SRGAP1: variants seen among roughly 807,000 people sequenced by gnomAD.
SRGAP1 encodes SLIT-ROBO Rho GTPase-activating protein 1.
In SRGAP1, 43 loss-of-function variants were observed where a neutral mutation model predicts 121.9. That is an observed-to-expected ratio of 0.35 (90% CI 0.28 to 0.46). The LOEUF (loss-of-function observed/expected upper bound fraction) is 0.46. Ranked by LOEUF, SRGAP1 falls within the 20% of genes least tolerant of loss-of-function variation. The pLI is 1.00. For missense variants in SRGAP1, 1,102 were observed against 1,350.9 expected (o/e 0.82, Z 2.89); for synonymous variants, 447 against 485.4 (o/e 0.92, Z 1.04).
intron 1 of SRGAP1, among the ~76,000 whole-genome samples, chr12:63,963,934 G>A (rs571893683): frequency 1.3e-5 from 2 of 152,284 alleles, no homozygotes; most frequent in South Asian, 4.1e-4. Context: ...AAATCAACAG[G>A]TTGTCAGAGT....
chr12:63,971,942 T>C (rs755939932), intron 1 of SRGAP1, among the ~76,000 whole-genome samples: 1 of 152,228 alleles, frequency 6.6e-6, no homozygotes, highest in Non-Finnish European at 1.5e-5. Flanking sequence ...GGCTTCCTTT[T>C]TTCAGCTCCT....
chr12:64,126,967 G>C (rs1157110358), intron 19 of SRGAP1, among the ~76,000 whole-genome samples: 1 of 152,086 alleles, frequency 6.6e-6, no homozygotes, highest in Admixed American at 6.5e-5. Flanking sequence ...TATTTTTACT[G>C]TACCTTTTCT....
At chr12:64,057,361 G>T (rs1324282388) in intron 6 of SRGAP1, among the ~76,000 whole-genome samples, 1 of 152,254 alleles carries the variant, frequency 6.6e-6, no homozygotes, top group Non-Finnish European at 1.5e-5. Flanking sequence ...GTGTGTAAAA[G>T]TTGCCTGTAG....
intron 8 of SRGAP1, among the ~76,000 whole-genome samples, chr12:64,076,429 A>G (rs1455114288): frequency 6.6e-6 from 1 of 152,226 alleles, no homozygotes; most frequent in African/African-American, 2.4e-5. Flanking sequence ...AATGAGCTAC[A>G]TAGGAATTCT....
intron 2 of SRGAP1, among the ~76,000 whole-genome samples, chr12:63,984,909 G>A (rs978223488): frequency 9.2e-5 from 14 of 152,052 alleles, no homozygotes; most frequent in African/African-American, 3.1e-4. Context: ...CCAGCCACTC[G>A]GGAGGCTGAG....
At position 63,951,152 on chromosome 12, in the gene SRGAP1, C is replaced by CTTTTTTTTTTTTTTT. The variant is rs58637983; in HGVS notation, c.68-32780_68-32766dup. ...GGGCTGGTCCATGCCATTTAGAACT[C>CTTTTTTTTTTTTTTT]TTTTTTTTTTTTTTTTTTTTTTTTT... On this transcript the variant is annotated intron_variant, in intron 1 of 21. Transcript: ENST00000355086. 8.1e-4 allele frequency among the ~76,000 whole-genome samples: 36 copies of CTTTTTTTTTTTTTTT among 44,186 alleles called. 9 individuals carry two copies. Among genetic ancestry groups the CTTTTTTTTTTTTTTT allele is most frequent in the African/African-American group, 2.9e-3 (35 of 11,922 alleles). The allele number at this position is 44,186 out of a possible 152,430, so 29.0% of individuals were successfully genotyped here. A position where few individuals can be genotyped will look rare whatever the true frequency, so the allele number is the denominator to read the frequency against.
At chr12:63,864,107 G>A (rs763266094) in intron 1 of SRGAP1, among the ~76,000 whole-genome samples, 3 of 152,098 alleles carry the variant, frequency 2.0e-5, no homozygotes, top group Non-Finnish European at 2.9e-5. Context: ...GCAGCTTTAG[G>A]TTAAACTTAA....
At chr12:64,032,004 T>C (rs1212658962) in intron 4 of SRGAP1, among the ~76,000 whole-genome samples, 1 of 152,178 alleles carries the variant, frequency 6.6e-6, no homozygotes, top group Non-Finnish European at 1.5e-5. Context: ...GTAAATTTAC[T>C]AGGGGCAAAA....
intron 1 of SRGAP1, among the ~76,000 whole-genome samples, chr12:63,962,350 G>A (rs911204988): frequency 6.6e-6 from 1 of 152,178 alleles, no homozygotes; most frequent in African/African-American, 2.4e-5. Flanking sequence ...CTTAAACAGT[G>A]CAGAATTACC....
At chr12:64,067,933 A>AG (rs1487358004) in intron 8 of SRGAP1, among the ~76,000 whole-genome samples, 3 of 151,978 alleles carry the variant, frequency 2.0e-5, no homozygotes, top group African/African-American at 7.2e-5. Context: ...AAAAAAAAAA[A>AG]GTTGAGAGAG....
At chr12:63,978,167 C>T (rs1273371407) in intron 1 of SRGAP1, among the ~76,000 whole-genome samples, 4 of 152,196 alleles carry the variant, frequency 2.6e-5, no homozygotes, top group Non-Finnish European at 4.4e-5. Flanking sequence ...CAACAACCAA[C>T]ATTTCATGGA....
intron 3 of SRGAP1, among the ~76,000 whole-genome samples, 183 bp downstream of exon 3, chr12:63,990,255 C>T (rs940234311): frequency 4.6e-5 from 7 of 152,096 alleles, no homozygotes; most frequent in South Asian, 2.1e-4. Context: ...AAAATTAGGC[C>T]GGGCGTGGTA....
chr12:63,852,120 G>T (rs1352335185), intron 1 of SRGAP1, among the ~76,000 whole-genome samples: 18 of 152,080 alleles, frequency 1.2e-4, no homozygotes, highest in Non-Finnish European at 5.9e-5. Context: ...AGCCTCCTGT[G>T]TAGCTGGGAC....
At chr12:64,017,849 G>A (rs944692307) in intron 4 of SRGAP1, among the ~76,000 whole-genome samples, 1 of 151,678 alleles carries the variant, frequency 6.6e-6, no homozygotes, top group African/African-American at 2.4e-5. Flanking sequence ...GGTACTTCAT[G>A]TAATCGTTAA....
chr12:64,014,046 A>G (rs1327933790), intron 3 of SRGAP1, among the ~76,000 whole-genome samples: 1 of 152,236 alleles, frequency 6.6e-6, no homozygotes, highest in East Asian at 1.9e-4. Context: ...AATGATAATT[A>G]TGGTGTATTC....
intron 1 of SRGAP1, among the ~76,000 whole-genome samples, chr12:63,959,546 C>T (rs560309604): frequency 2.6e-5 from 4 of 152,210 alleles, no homozygotes; most frequent in South Asian, 2.1e-4. Context: ...TTGCTGATAA[C>T]GTTTCTTTCC....
intron 21 of SRGAP1, among the ~76,000 whole-genome samples, chr12:64,129,684 G>A (rs559396410): frequency 3.3e-5 from 5 of 152,048 alleles, no homozygotes; most frequent in African/African-American, 4.8e-5. Context: ...TCCTATAACC[G>A]GAAACACACC....
Position 64,142,976 on chromosome 12 carries a change from G to A in SRGAP1, c.*304G>A. 1 of 317,370 alleles carries A rather than the reference G, an allele frequency of 3.2e-6. No homozygotes were observed. The highest frequency in any genetic ancestry group is 5.9e-6 in the Non-Finnish European group (1 of 169,508). 19.7% of individuals were successfully genotyped at this position (317,370 alleles called of 1,614,324 possible). On this transcript the variant is annotated 3_prime_UTR_variant, in exon 22 of 22. Coordinates refer to ENST00000355086, the MANE Select transcript of SRGAP1 (RefSeq NM_020762.4). ...AACACCGCTCTCCACATTGTACAGAGCTTCAGGTTTAATGTAGCCCAGCTG... is the reference window on the plus strand; with the variant it reads ...AACACCGCTCTCCACATTGTACAGAACTTCAGGTTTAATGTAGCCCAGCTG...
At chr12:64,055,853 T>A (rs2035330056) in intron 6 of SRGAP1, among the ~76,000 whole-genome samples, 1 of 152,182 alleles carries the variant, frequency 6.6e-6, no homozygotes, top group Non-Finnish European at 1.5e-5. Flanking sequence ...TGAGGCATTA[T>A]CTCTTGCTTC....
Sources: gnomAD v4.1 joint callset for allele counts (sites outside exome capture counted in the v4.1 genomes callset) on GRCh38, gnomAD v4.1.1 for gene constraint, MANE v1.5 for transcripts, NCBI Gene and HGNC (gene_info 2026-07-23, HGNC 2026-07-21) for gene names.